TRPC4: variants seen among roughly 807,000 people sequenced by gnomAD.
The protein encoded by TRPC4 is short transient receptor potential channel 4.
In TRPC4, 49 loss-of-function variants were observed where a neutral mutation model predicts 99.4. The observed-to-expected ratio is 0.49, with a 90% CI of 0.39 to 0.63. The LOEUF (loss-of-function observed/expected upper bound fraction) is 0.63. Ranked by LOEUF, TRPC4 falls within the 20% of genes least tolerant of loss-of-function variation. TRPC4 has a pLI of 0.00. For synonymous variants in TRPC4, 454 were observed against 425.9 expected, an observed-to-expected ratio of 1.07 and a Z score of -0.81; for missense variants, 898 against 1,152.9, an observed-to-expected ratio of 0.78 and a Z score of 3.20.
chr13:37,670,276 C>A (rs934979384), intron 5 of TRPC4, among the ~76,000 whole-genome samples: 22 of 152,172 alleles, frequency 1.4e-4, no homozygotes, highest in Admixed American at 3.3e-4. Context: ...AGGCTGGCCC[C>A]TATGACAGAT....
At chr13:37,656,241 G>A (rs78892709) in intron 6 of TRPC4, among the ~76,000 whole-genome samples, 1,773 of 152,188 alleles carry the variant, frequency 0.012, 45 homozygotes, top group African/African-American at 0.041. Context: ...TTAATATAGT[G>A]TAATAAAACG....
At chr13:37,679,290 T>C (rs4943532) in intron 4 of TRPC4, among the ~76,000 whole-genome samples, 96,609 of 151,946 alleles carry the variant, frequency 0.64, 31,287 homozygotes, top group East Asian at 0.8. Flanking sequence ...TATCTCTGCA[T>C]TCAACTCCAA....
intron 1 of TRPC4, among the ~76,000 whole-genome samples, chr13:37,824,744 G>T (rs2139557811): frequency 6.6e-6 from 1 of 152,212 alleles, no homozygotes; most frequent in East Asian, 1.9e-4. Flanking sequence ...CTTTTTGGTT[G>T]TGTCTCTGCC....
chr13:37,837,763 C>T (rs1046387710), intron 1 of TRPC4, among the ~76,000 whole-genome samples: 13 of 152,058 alleles, frequency 8.5e-5, no homozygotes, highest in African/African-American at 3.1e-4. Flanking sequence ...GTTGGGAAGG[C>T]ATGATTGGTT....
chr13:37,834,677 C>T (rs1234627225), intron 1 of TRPC4, among the ~76,000 whole-genome samples: 1 of 152,104 alleles, frequency 6.6e-6, no homozygotes, highest in East Asian at 1.9e-4. Flanking sequence ...CTGGTTTCTC[C>T]AACATACTTG....
In TRPC4 at chr13:37,752,075, C is replaced by CTATATATATGTATATATATATA. The variant is rs1555266914; in HGVS notation, c.379-5621_379-5620insTATATATATATACATATATATA. Among the ~76,000 whole-genome samples the CTATATATATGTATATATATATA allele has an allele frequency of 1.3e-3, 99 of 73,950 alleles. 19 individuals are homozygous for CTATATATATGTATATATATATA. Among genetic ancestry groups the CTATATATATGTATATATATATA allele is most frequent in the South Asian group, 0.011 (24 of 2,252 alleles). The allele number at this position is 73,950 out of a possible 152,430, so 48.5% of individuals were successfully genotyped here. A position where few individuals can be genotyped will look rare whatever the true frequency, so the allele number is the denominator to read the frequency against. On this transcript the variant is annotated intron_variant, in intron 2 of 10. Transcript: ENST00000379705. ...TACCAAAACCTGATAAAGCAGAAAA[C>CTATATATATGTATATATATATA]TATATATATATATATATATATGACT...
rs1951576709 is a variant in TRPC4, at chr13:37,637,570, C to T, written c.2267G>A (p.Gly756Glu). The change falls in exon 11 of 11, where the codon GGA becomes GAA. Residue 756 changes from glycine (G) to glutamate (E), a missense_variant. Gly to Glu is a moderately conservative substitution (Grantham distance 98). Around this residue, in one of 3 missense-constraint regions of TRPC4, gnomAD observed 346 missense variants for 351.4 expected, o/e 0.98. Coordinates refer to ENST00000379705, the MANE Select transcript of TRPC4 (RefSeq NM_016179.4). ...AGATTGTATTGTGGAAAGTTTGCTT[C>T]CTCTTAGTAATCCCAGGACTTCAAA... ...FRFEVLGLLR[G>E]SKLSTIQSAN... 7 of 1,611,778 alleles carry T rather than the reference C, an allele frequency of 4.3e-6. No individual in the cohort carries two copies. Among genetic ancestry groups the T allele is most frequent in the Non-Finnish European group, 5.9e-6 (7 of 1,179,242 alleles).
chr13:37,710,186 A>G (rs1318876409), intron 3 of TRPC4, among the ~76,000 whole-genome samples: 1 of 151,938 alleles, frequency 6.6e-6, no homozygotes, highest in Non-Finnish European at 1.5e-5. Context: ...CTGCAAATTA[A>G]TTACTAATTT....
intron 1 of TRPC4, among the ~76,000 whole-genome samples, chr13:37,846,824 T>G (rs1958918470): frequency 6.6e-6 from 1 of 152,104 alleles, no homozygotes; most frequent in Non-Finnish European, 1.5e-5. Context: ...AGACTCACTT[T>G]ACTAGTACAG....
intron 5 of TRPC4, among the ~76,000 whole-genome samples, chr13:37,665,114 T>C (rs7996934): frequency 0.25 from 37,805 of 152,098 alleles, 5,360 homozygotes; most frequent in East Asian, 0.67. Flanking sequence ...GAAACTTGGA[T>C]ACTAAACATT....
At chr13:37,704,169 C>A (rs1954192611) in intron 3 of TRPC4, among the ~76,000 whole-genome samples, 1 of 152,132 alleles carries the variant, frequency 6.6e-6, no homozygotes, top group Non-Finnish European at 1.5e-5. Context: ...AAAAACTAAT[C>A]TAGTGACAGG....
chr13:37,637,509 G>A lies in TRPC4; in HGVS notation c.2328C>T (p.Asp776=), dbSNP rs754344232. Residue 776 remains aspartate (D), a synonymous_variant, in exon 11 of 11, where the codon GAC becomes GAT. Transcript: ENST00000379705. ...NASKESSNSA[D]SDEKSDSEGN... ...CTTCGCTATCACTCTTTTCATCTGA[G>A]TCTGCCGAATTTGAAGACTCCTTCG... is the stretch of plus-strand genomic sequence containing the variant. The A allele has an allele frequency of 9.3e-6, 15 of 1,613,608 alleles. No homozygotes were observed. The highest frequency in any genetic ancestry group is 1.6e-4 in the Middle Eastern group (1 of 6,080).
At chr13:37,796,414 C>A (rs1362454527) in intron 1 of TRPC4, among the ~76,000 whole-genome samples, 1 of 152,136 alleles carries the variant, frequency 6.6e-6, no homozygotes, top group Non-Finnish European at 1.5e-5. Context: ...ACCTGATGCT[C>A]AGTTTTCCTT....
chr13:37,755,125 A>T (rs1343931260), intron 2 of TRPC4, among the ~76,000 whole-genome samples: 1 of 152,134 alleles, frequency 6.6e-6, no homozygotes, highest in African/African-American at 2.4e-5. Flanking sequence ...AGTGACATTC[A>T]TACAATTTAA....
chr13:37,825,772 G>A (rs1424833277), intron 1 of TRPC4, among the ~76,000 whole-genome samples: 1 of 151,530 alleles, frequency 6.6e-6, no homozygotes, highest in Admixed American at 6.6e-5. Context: ...GGAGAGTTCT[G>A]TAGATGTCTA....
In TRPC4 at chr13:37,746,275, C is replaced by T; in HGVS notation, c.559G>A (p.Val187Met). 6.2e-7 allele frequency: 1 copy of T among 1,613,842 alleles called. No individual in the cohort carries two copies. The highest frequency in any genetic ancestry group is 8.5e-7 in the Non-Finnish European group (1 of 1,179,882). Residue 187 changes from valine (V) to methionine (M), a missense_variant, in exon 3 of 11, where the codon GTG becomes ATG. By Grantham distance (21) the Val-to-Met change is conservative (BLOSUM62 1). Around this residue, in one of 3 missense-constraint regions of TRPC4, gnomAD observed 278 missense variants for 346.6 expected, o/e 0.80. Transcript: ENST00000379705. ...NCVECVSSSD[V>M]DSLRHSRSRL... ...GAGCGTGAGTGACGGAGGCTGTCCA[C>T]ATCTGAACTGGACACGCATTCCACA...
chr13:37,674,945 T>C (rs1230463385), intron 4 of TRPC4, among the ~76,000 whole-genome samples: 1 of 152,212 alleles, frequency 6.6e-6, no homozygotes, highest in African/African-American at 2.4e-5. Flanking sequence ...AAATGCTTTA[T>C]TTTCAAATTC....
At chr13:37,683,427 C>T (rs574560189) in intron 4 of TRPC4, among the ~76,000 whole-genome samples, 1 of 152,056 alleles carries the variant, frequency 6.6e-6, no homozygotes, top group Non-Finnish European at 1.5e-5. Context: ...GCCTTCTTGC[C>T]AGGACTCAAG....
rs941012376 is a variant in TRPC4, at chr13:37,635,481, T to C, written c.*1422A>G. Among the ~76,000 whole-genome samples, 3 of 152,176 alleles carry C rather than the reference T, an allele frequency of 2.0e-5. No individual in the cohort carries two copies. Among genetic ancestry groups the C allele is most frequent in the African/African-American group, 7.2e-5 (3 of 41,464 alleles). ...TATTGCTGTTATTCCTTATTTTTGA[T>C]GTTTGGTAATGAGAAACTGAGTGCC... On this transcript the variant is annotated 3_prime_UTR_variant, in exon 11 of 11. Transcript: ENST00000379705.
Sources: allele counts gnomAD v4.1 joint callset (sites outside exome capture counted in the v4.1 genomes callset), GRCh38; gene constraint gnomAD v4.1.1; regional missense constraint gnomAD v4.1.1; transcripts MANE v1.5; gene names NCBI Gene and HGNC (gene_info 2026-07-23, HGNC 2026-07-21).